Variants in CLCA1 observed in about 807,000 individuals in gnomAD.
CLCA1 encodes the protein calcium-activated chloride channel regulator 1.
In CLCA1, 59 loss-of-function variants were observed where a neutral mutation model predicts 85.6. The ratio of observed to expected loss-of-function variants is 0.69; its 90% CI spans 0.56 to 0.86. CLCA1 has a LOEUF of 0.86. CLCA1 is among the 40% of genes least tolerant of loss of function. The pLI is 0.00. For missense variants in CLCA1, 1,022 were observed against 1,101.4 expected, an observed-to-expected ratio of 0.93 and a Z score of 1.02; for synonymous variants, 396 against 398.3, an observed-to-expected ratio of 0.99 and a Z score of 0.07.
At chr1:86,496,767 G>A (rs5744415) in intron 12 of CLCA1, among the ~76,000 whole-genome samples, 113,504 of 152,114 alleles carry the variant, frequency 0.75, 42,591 homozygotes, top group South Asian at 0.81. Context: ...GTCTTGCTCT[G>A]TCACCAGTCT....
intron 8 of CLCA1, among the ~76,000 whole-genome samples, chr1:86,490,433 G>T (rs1486395438): frequency 2.0e-5 from 3 of 152,148 alleles, no homozygotes; most frequent in Non-Finnish European, 4.4e-5. Context: ...GCCTGGCCTG[G>T]TGTAAAATCC....
chr1:86,470,378 A>G (rs5744305), intron 1 of CLCA1, among the ~76,000 whole-genome samples: 13,263 of 152,238 alleles, frequency 0.087, 614 homozygotes, highest in Middle Eastern at 0.12. Flanking sequence ...ATGTTGAGTG[A>G]GTTTTTGATT....
At chr1:86,486,017 G>GAAGAGAGAGAGAGA in intron 6 of CLCA1, among the ~76,000 whole-genome samples, 1 of 147,416 alleles carries the variant, frequency 6.8e-6, no homozygotes, top group Admixed American at 6.8e-5. Flanking sequence ...CATGGCAGCA[G>GAAGAGAGAGAGAGA]GAGAGAGAGA....
intron 4 of CLCA1, among the ~76,000 whole-genome samples, chr1:86,480,617 G>A (rs1291775390): frequency 2.0e-5 from 3 of 152,064 alleles, no homozygotes; most frequent in Non-Finnish European, 4.4e-5. Flanking sequence ...ACAAGAGTAA[G>A]ACCCTGTCTC....
At position 86,473,551 on chromosome 1, in the gene CLCA1, C is replaced by T. The variant is rs368517903; in HGVS notation, c.297C>T (p.Tyr99=). The T allele has an allele frequency of 6.9e-6, 11 of 1,583,968 alleles. No homozygotes were observed. Among genetic ancestry groups the T allele is most frequent in the South Asian group, 1.1e-5 (1 of 87,622 alleles). The change falls in exon 2 of 14, where the codon TAC becomes TAT. Residue 99 remains tyrosine, a synonymous_variant. Transcript: ENST00000394711. Reference sequence around the variant, plus strand: ...ATGTGAGACCAAAACTTGAGACCTACAAAAATGTGAGAATATCAAGTTCTT... The same window carrying T: ...ATGTGAGACCAAAACTTGAGACCTATAAAAATGTGAGAATATCAAGTTCTT... ...ADYVRPKLET[Y]KNADVLVAES... is the part of the protein sequence containing the mutation.
At chr1:86,487,344 G>A (rs1026171444) in intron 7 of CLCA1, among the ~76,000 whole-genome samples, 1 of 151,942 alleles carries the variant, frequency 6.6e-6, no homozygotes. Flanking sequence ...AAGACCCTAG[G>A]GGAGATGACT....
chr1:86,496,876 C>T (rs750620252), intron 12 of CLCA1, among the ~76,000 whole-genome samples: 13 of 152,200 alleles, frequency 8.5e-5, no homozygotes, highest in Non-Finnish European at 1.5e-4. Context: ...ACTACAGGCA[C>T]GTGCCACCAT....
Position 86,481,235 on chromosome 1 carries a change from C to A in CLCA1, c.558-970C>A, listed in dbSNP as rs574607889. ...CACTGCAACCTCTGCCTCTCAGGTT[C>A]AAGCAATTCTCGTGCCTTAGCTTCC... On this transcript the variant is annotated intron_variant, in intron 4 of 13. Transcript: ENST00000394711. 3.9e-5 allele frequency among the ~76,000 whole-genome samples: 6 copies of A among 152,092 alleles called. No homozygotes were observed. In the South Asian group the frequency reaches 1.2e-3, roughly 32 times the overall value.
intron 5 of CLCA1, among the ~76,000 whole-genome samples, 189 bp from the exon 6 acceptor site, chr1:86,485,154 A>C (rs1358869787): frequency 2.0e-5 from 3 of 152,158 alleles, no homozygotes; most frequent in African/African-American, 7.2e-5. Flanking sequence ...CTAAGGGTCC[A>C]ATGAGATTGA....
At chr1:86,480,308 G>A (rs1250057712) in intron 4 of CLCA1, among the ~76,000 whole-genome samples, 1 of 152,124 alleles carries the variant, frequency 6.6e-6, no homozygotes, top group Non-Finnish European at 1.5e-5. Context: ...TAGTATTGTA[G>A]CACATAAAGA....
chr1:86,473,693 A>G, intron 2 of CLCA1, 36 bp from the exon 3 acceptor site: 1 of 1,547,808 alleles, frequency 6.5e-7, no homozygotes, highest in Non-Finnish European at 8.7e-7. Context: ...ATTTGCTGAA[A>G]CTTTGTGATG....
At chr1:86,476,029 G>A (rs1647627982) in intron 3 of CLCA1, among the ~76,000 whole-genome samples, 1 of 152,208 alleles carries the variant, frequency 6.6e-6, no homozygotes. Context: ...GGTCTGATGG[G>A]ATAGGAGCCA....
At chr1:86,473,673 T>A in intron 2 of CLCA1, 56 bp from the exon 3 acceptor site, 1 of 1,507,258 alleles carries the variant, frequency 6.6e-7, no homozygotes, top group Non-Finnish European at 9.0e-7. Flanking sequence ...AGTACGAATA[T>A]GGTTAATTCA....
intron 10 of CLCA1, among the ~76,000 whole-genome samples, 182 bp from the exon 11 acceptor site, chr1:86,494,005 G>C (rs5744402): frequency 0.031 from 4,784 of 152,252 alleles, 272 homozygotes; most frequent in African/African-American, 0.11. Context: ...CAATGGGAAT[G>C]ATATAGTTAG....
chr1:86,476,556 A>AT lies in CLCA1; in HGVS notation c.557+4dup, dbSNP rs763483621. ...AATGGAAGAATACAAGCAGTAAGGT[A>AT]TGTATATTTTGATTTAACTTGTTCC... On this transcript the variant is annotated splice_donor_region_variant and intron_variant, in intron 4 of 13. Coordinates refer to ENST00000394711, the MANE Select transcript of CLCA1 (RefSeq NM_001285.4). 1.5e-4 allele frequency: 210 copies of AT among 1,411,148 alleles called. No individual in the cohort carries two copies. The highest frequency in any genetic ancestry group is 2.0e-4 in the Non-Finnish European group (204 of 1,001,052). 87.4% of individuals were successfully genotyped at this position (1,411,148 alleles called of 1,614,324 possible).
At position 86,491,280 on chromosome 1, in the gene CLCA1, A is replaced by G; in HGVS notation, c.1373A>G (p.Tyr458Cys). Residue 458 changes from tyrosine to cysteine, a missense_variant, in exon 9 of 14, where the codon TAT (tyrosine) becomes TGT (cysteine). By Grantham distance (194) the Tyr-to-Cys change is radical. Coordinates refer to ENST00000394711, the MANE Select transcript of CLCA1 (RefSeq NM_001285.4). ...LSKMTGGLQTYASDQVQNNGL... is the reference protein window; with the variant it reads ...LSKMTGGLQTCASDQVQNNGL... ...TGCATTTTAGGAGGTTTACAGACAT[A>G]TGCTTCAGATCAAGTTCAGAACAAT... The G allele has an allele frequency of 1.2e-6, 2 of 1,612,910 alleles. No individual in the cohort carries two copies. The highest frequency in any genetic ancestry group is 1.7e-6 in the Non-Finnish European group (2 of 1,179,202).
intron 11 of CLCA1, among the ~76,000 whole-genome samples, chr1:86,495,246 A>G (rs1458716320): frequency 6.6e-6 from 1 of 152,202 alleles, no homozygotes; most frequent in Non-Finnish European, 1.5e-5. Context: ...CTTGTGCTAC[A>G]TTGGGTGTAA....
intron 5 of CLCA1, among the ~76,000 whole-genome samples, chr1:86,482,698 T>C (rs1647851783): frequency 6.6e-6 from 1 of 152,170 alleles, no homozygotes; most frequent in African/African-American, 2.4e-5. Context: ...CCCAGGGGGA[T>C]TAGGCAGTTC....
At position 86,473,831 on chromosome 1, in the gene CLCA1, C is replaced by G; in HGVS notation, c.406C>G (p.Pro136Ala). ...GEKGERIHLT[P>A]DFIAGKKLAE... is the part of the protein sequence containing the mutation. Reference sequence around the variant, plus strand: ...GAAGGGTGAAAGGATCCACCTCACTCCTGATTTCATTGCAGGAAAAAAGTT... The same window carrying G: ...GAAGGGTGAAAGGATCCACCTCACTGCTGATTTCATTGCAGGAAAAAAGTT... Residue 136 changes from proline (P) to alanine (A), a missense_variant, in exon 3 of 14, where the codon CCT (proline) becomes GCT (alanine). By Grantham distance (27) the Pro-to-Ala change is conservative. Transcript: ENST00000394711. 1 of 1,611,824 alleles carries G rather than the reference C, an allele frequency of 6.2e-7. No homozygotes were observed. The highest frequency in any genetic ancestry group is 8.5e-7 in the Non-Finnish European group (1 of 1,178,624).
Sources: allele counts gnomAD v4.1 joint callset (sites outside exome capture counted in the v4.1 genomes callset), GRCh38; gene constraint gnomAD v4.1.1; transcripts MANE v1.5; gene names NCBI Gene and HGNC (gene_info 2026-07-23, HGNC 2026-07-21).